C2CD3: variants seen among roughly 807,000 people sequenced by gnomAD.
The protein encoded by C2CD3 is C2 domain-containing protein 3.
Under a neutral mutation model 234.0 loss-of-function variants are expected in C2CD3, and 148 were observed. The observed-to-expected ratio is 0.63, with a 90% CI of 0.55 to 0.72. The LOEUF (loss-of-function observed/expected upper bound fraction) is 0.72, where lower values mean the gene tolerates loss of function less well. Among genes scored for constraint, C2CD3 ranks in the 30% least tolerant of loss-of-function variants. C2CD3 has a pLI of 0.00. For synonymous variants in C2CD3, 1,000 were observed against 1,035.4 expected, an observed-to-expected ratio of 0.97 and a Z score of 0.66; for missense variants, 2,577 against 2,811.5, an observed-to-expected ratio of 0.92 and a Z score of 1.89.
At chr11:74,103,831 T>C (rs1317256328) in intron 13 of C2CD3, among the ~76,000 whole-genome samples, 1 of 152,186 alleles carries the variant, frequency 6.6e-6, no homozygotes. Flanking sequence ...TAACAAAAGA[T>C]GAGCCTGGAA....
rs780658413 is a variant in C2CD3 at position 74,078,192 on chromosome 11, G to C, written c.4526C>G (p.Thr1509Arg). ...ATAGGCTGAGCCAATCCAGCTGTCT[G>C]TCTGATGGGGTCTCTCCACACTGTC... ...GNDSVERPHQTDSWIGSAYVD... is the reference protein window; with the variant it reads ...GNDSVERPHQRDSWIGSAYVD... Residue 1509 changes from threonine to arginine, a missense_variant, in exon 23 of 33, where the codon ACA (threonine) becomes AGA (arginine). Transcript: ENST00000334126. 4 of 1,613,934 alleles carry C rather than the reference G, an allele frequency of 2.5e-6. No individual in the cohort carries two copies. Among genetic ancestry groups the C allele is most frequent in the Admixed American group, 3.3e-5 (2 of 59,974 alleles).
chr11:74,084,899 G>C lies in C2CD3; in HGVS notation c.3982C>G (p.Leu1328Val). Residue 1328 changes from leucine (L) to valine (V), a missense_variant, in exon 22 of 33, where the codon CTG becomes GTG. Leu to Val is a conservative substitution (Grantham distance 32, BLOSUM62 1). Coordinates refer to ENST00000334126, the MANE Select transcript of C2CD3 (RefSeq NM_001286577.2). The stretch of plus-strand genomic sequence containing the variant: ...TCCTTACCAGATCTCTTGATCAGCA[G>C]CTCTTTTGTTGGAACTTTTACTACT... ...LGVVKVPTKE[L>V]LIKRSGITGW... 6.2e-7 allele frequency: 1 copy of C among 1,606,616 alleles called. No homozygotes were observed. The highest frequency in any genetic ancestry group is 8.5e-7 in the Non-Finnish European group (1 of 1,173,260).
chr11:74,065,713 C>T (rs1195517381), intron 24 of C2CD3, among the ~76,000 whole-genome samples: 1 of 151,712 alleles, frequency 6.6e-6, no homozygotes, highest in Non-Finnish European at 1.5e-5. Context: ...CACATACACA[C>T]CATGGAATAC....
At chr11:74,067,008 T>C (rs1366437553) in intron 24 of C2CD3, among the ~76,000 whole-genome samples, 2 of 152,214 alleles carry the variant, frequency 1.3e-5, no homozygotes, top group Non-Finnish European at 1.5e-5. Flanking sequence ...TTATATTCCA[T>C]AATACAACCA....
intron 24 of C2CD3, among the ~76,000 whole-genome samples, chr11:74,059,724 G>A (rs58137705): frequency 6.6e-6 from 1 of 152,210 alleles, no homozygotes; most frequent in Non-Finnish European, 1.5e-5. Flanking sequence ...GAGCAACGCA[G>A]AAGACGGTTG....
Position 74,066,216 on chromosome 11 carries a change from A to C in C2CD3, c.4951+8037T>G, listed in dbSNP as rs565511324. Among the ~76,000 whole-genome samples the C allele has an allele frequency of 1.6e-4, 19 of 117,780 alleles. No homozygotes were observed. The East Asian group carries it at 4.2e-3, about 26-fold the overall frequency. The allele number at this position is 117,780 out of a possible 152,430, so 77.3% of individuals were successfully genotyped here. On this transcript the variant is annotated intron_variant, in intron 24 of 32. Coordinates refer to ENST00000334126, the MANE Select transcript of C2CD3 (RefSeq NM_001286577.2). ...TCAAGGACAGAAAACCAAACACCACATGTTCTCACTCATAGGTGGGACTTG... is the reference window on the plus strand; with the variant it reads ...TCAAGGACAGAAAACCAAACACCACCTGTTCTCACTCATAGGTGGGACTTG...
intron 16 of C2CD3, among the ~76,000 whole-genome samples, chr11:74,096,282 G>A (rs1223475617): frequency 3.3e-5 from 5 of 152,148 alleles, no homozygotes; most frequent in African/African-American, 7.2e-5. Context: ...ATTCAAAGGG[G>A]GAATTCAGCA....
intron 7 of C2CD3, chr11:74,129,976 A>ACTC (rs1957589267): frequency 2.1e-4 from 1 of 4,712 alleles, no homozygotes; most frequent in Non-Finnish European, 3.3e-4. Flanking sequence ...CGGCAGGCTG[A>ACTC]GGCAGGAGAA....
rs115940147 is a variant in C2CD3, at chr11:74,076,231, G to A, written c.4604-1631C>T. On this transcript the variant is annotated intron_variant, in intron 23 of 32. Coordinates refer to ENST00000334126, the MANE Select transcript of C2CD3 (RefSeq NM_001286577.2). The stretch of plus-strand genomic sequence containing the variant: ...GCTCAAGAGAGCCAGATTTACACCT[G>A]TTAGGTCCAGAAAGAACCAGAGAAT... Among the ~76,000 whole-genome samples the A allele has an allele frequency of 9.9e-4, 151 of 152,270 alleles. 2 individuals carry two copies. Among genetic ancestry groups the A allele is most frequent in the African/African-American group, 2.9e-3 (119 of 41,544 alleles).
chr11:74,080,106 T>G (rs1422566988), intron 22 of C2CD3, among the ~76,000 whole-genome samples: 1 of 152,178 alleles, frequency 6.6e-6, no homozygotes, highest in African/African-American at 2.4e-5. Flanking sequence ...TTAAAAAACT[T>G]CTATTTTCAG....
chr11:74,025,289 G>C (rs1462350870), intron 32 of C2CD3, among the ~76,000 whole-genome samples: 1 of 152,076 alleles, frequency 6.6e-6, no homozygotes. Flanking sequence ...GAAGAGCATA[G>C]AGTTGTGAGT....
intron 30 of C2CD3, chr11:74,036,521 T>G (rs1190054896): frequency 4.4e-6 from 2 of 455,948 alleles, no homozygotes; most frequent in Non-Finnish European, 8.8e-6. Flanking sequence ...TTGTACTTAG[T>G]GTTAATCAAG....
At chr11:74,157,661 C>T (rs530413353) in intron 3 of C2CD3, among the ~76,000 whole-genome samples, 2 of 152,022 alleles carry the variant, frequency 1.3e-5, no homozygotes, top group Admixed American at 1.3e-4. Context: ...AGACTATTTT[C>T]TTATTTAGTA....
chr11:74,134,736 A>G (rs779537270), intron 5 of C2CD3, among the ~76,000 whole-genome samples: 5 of 152,148 alleles, frequency 3.3e-5, no homozygotes, highest in African/African-American at 4.8e-5. Flanking sequence ...CATTATTTAC[A>G]TATGTTTAGA....
At chr11:74,145,815 A>C (rs1019396480) in intron 3 of C2CD3, among the ~76,000 whole-genome samples, 2 of 152,070 alleles carry the variant, frequency 1.3e-5, no homozygotes, top group East Asian at 1.9e-4. Context: ...CCTTTCCCCC[A>C]AATTTTTCTT....
rs757475399 is a variant in C2CD3 at position 74,078,171 on chromosome 11, G to A, written c.4547C>T (p.Ala1516Val). ...PHQTDSWIGSAYVDLARLGER... is the reference protein window; with the variant it reads ...PHQTDSWIGSVYVDLARLGER... ...CCCAAGTCTGGCCAGGTCCACATAGGCTGAGCCAATCCAGCTGTCTGTCTG... is the reference window on the plus strand; with the variant it reads ...CCCAAGTCTGGCCAGGTCCACATAGACTGAGCCAATCCAGCTGTCTGTCTG... Residue 1516 changes from alanine to valine, a missense_variant, in exon 23 of 33, where the codon GCC (alanine) becomes GTC (valine). Coordinates refer to ENST00000334126, the MANE Select transcript of C2CD3 (RefSeq NM_001286577.2). The A allele has an allele frequency of 2.5e-6, 4 of 1,613,786 alleles. No homozygotes were observed. Among genetic ancestry groups the A allele is most frequent in the Non-Finnish European group, 3.4e-6 (4 of 1,179,976 alleles).
At chr11:74,162,259 C>A (rs775868292) in intron 2 of C2CD3, among the ~76,000 whole-genome samples, 2 of 152,006 alleles carry the variant, frequency 1.3e-5, no homozygotes, top group African/African-American at 2.4e-5. Flanking sequence ...TATGGAACAA[C>A]ATCCAAGATG....
At chr11:74,036,826 A>G (rs1364604394) in intron 30 of C2CD3, among the ~76,000 whole-genome samples, 1 of 152,176 alleles carries the variant, frequency 6.6e-6, no homozygotes, top group Non-Finnish European at 1.5e-5. Context: ...TTGTCTACAC[A>G]CTAGAATTAC....
At position 74,170,869 on chromosome 11, in the gene C2CD3, A is replaced by G. The variant is rs1449151277; in HGVS notation, c.-77T>C. ...CAGTATCCTCCCGCCATCCCTCCCC[A>G]CGGCGCCTGCGTTCCCCGGCAACCG... On this transcript the variant is annotated 5_prime_UTR_variant, in exon 1 of 33. Coordinates refer to ENST00000334126, the MANE Select transcript of C2CD3 (RefSeq NM_001286577.2). 20 of 1,424,400 alleles carry G rather than the reference A, an allele frequency of 1.4e-5. No homozygotes were observed. The highest frequency in any genetic ancestry group is 1.8e-5 in the Non-Finnish European group (19 of 1,061,784). 88.2% of individuals were successfully genotyped at this position (1,424,400 alleles called of 1,614,324 possible).
Sources: allele counts gnomAD v4.1 joint callset (sites outside exome capture counted in the v4.1 genomes callset), GRCh38; gene constraint gnomAD v4.1.1; transcripts MANE v1.5; gene names NCBI Gene and HGNC (gene_info 2026-07-23, HGNC 2026-07-21).